EBF2: variants seen among roughly 807,000 people sequenced by gnomAD.
The protein encoded by EBF2 is EBF transcription factor 2.
Under a neutral mutation model 72.8 loss-of-function variants are expected in EBF2, and 21 were observed. That is an observed-to-expected ratio of 0.29 (90% CI 0.20 to 0.42). The LOEUF (loss-of-function observed/expected upper bound fraction) is 0.42, where lower values mean the gene tolerates loss of function less well. EBF2 is among the 10% of genes least tolerant of loss of function. EBF2 has a pLI of 1.00. For missense variants in EBF2, 637 were observed against 731.2 expected (o/e 0.87, Z 1.49); for synonymous variants, 299 against 274.2 (o/e 1.09, Z -0.89).
chr8:25,906,596 A>G (rs775926276), intron 7 of EBF2, among the ~76,000 whole-genome samples: 1 of 152,036 alleles, frequency 6.6e-6, no homozygotes, highest in Non-Finnish European at 1.5e-5. Flanking sequence ...TCAAAACCTC[A>G]TCTCTACTAA....
At chr8:26,030,247 C>G in intron 6 of EBF2, among the ~76,000 whole-genome samples, 1 of 152,208 alleles carries the variant, frequency 6.6e-6, no homozygotes, top group East Asian at 1.9e-4. Context: ...AAAAGCCCTT[C>G]TTGTGTCCAT....
At chr8:25,913,256 C>T (rs748282512) in intron 6 of EBF2, among the ~76,000 whole-genome samples, 28 of 152,076 alleles carry the variant, frequency 1.8e-4, no homozygotes, top group Admixed American at 1.2e-3. Context: ...TCCTGACCAA[C>T]GTGGTGAAGC....
rs773174407 is a variant in EBF2, at chr8:25,858,436, T to G, written c.1411A>C (p.Asn471His). ...ATACTGTTGCTGGAGGTACTGTAAT[T>G]AGACTGTTGAGGCGTGGAGCTGGAA... ...YSSSSTPQQS[N>H]YSTSSNSMNG... The change falls in exon 14 of 16, where the codon AAT becomes CAT. Residue 471 changes from asparagine to histidine, a missense_variant. By Grantham distance (68) the Asn-to-His change is moderately conservative (BLOSUM62 1). Coordinates refer to ENST00000520164, the MANE Select transcript of EBF2 (RefSeq NM_022659.4). The G allele has an allele frequency of 3.7e-6, 6 of 1,614,086 alleles. No homozygotes were observed. In the Admixed American group the frequency reaches 1.0e-4, roughly 27 times the overall value.
At chr8:25,917,689 G>T (rs564162770) in intron 6 of EBF2, among the ~76,000 whole-genome samples, 1 of 152,276 alleles carries the variant, frequency 6.6e-6, no homozygotes, top group East Asian at 1.9e-4. Context: ...GAGAAATGAA[G>T]TTATTAGTCA....
intron 6 of EBF2, among the ~76,000 whole-genome samples, chr8:26,012,333 T>C (rs1805038603): frequency 6.6e-6 from 1 of 152,180 alleles, no homozygotes; most frequent in Admixed American, 6.5e-5. Flanking sequence ...TAAATGTCCT[T>C]TATATGAAAA....
intron 2 of EBF2, chr8:26,041,419 G>A (rs1021457945): frequency 9.4e-6 from 2 of 212,468 alleles, no homozygotes; most frequent in Admixed American, 1.0e-4. Flanking sequence ...CCTATCCCGC[G>A]AGGACTGCGC....
chr8:25,861,543 ATC>A (rs1802213205), intron 11 of EBF2, among the ~76,000 whole-genome samples, 169 bp from the exon 12 acceptor site: 1 of 152,260 alleles, frequency 6.6e-6, no homozygotes, highest in Non-Finnish European at 1.5e-5. Flanking sequence ...GTACATGTAC[ATC>A]TCTCTGTAAA....
chr8:26,007,406 C>T (rs893654911), intron 6 of EBF2, among the ~76,000 whole-genome samples: 6 of 152,150 alleles, frequency 3.9e-5, no homozygotes, highest in African/African-American at 1.4e-4. Context: ...CAATTTGTTT[C>T]ATCATGTTCT....
intron 6 of EBF2, among the ~76,000 whole-genome samples, chr8:26,006,047 G>T (rs936292768): frequency 2.0e-5 from 3 of 152,028 alleles, no homozygotes; most frequent in Non-Finnish European, 4.4e-5. Context: ...TTCACAAGGA[G>T]CCAAACATCC....
chr8:25,882,156 T>C (rs994923550), intron 10 of EBF2, among the ~76,000 whole-genome samples: 4 of 152,012 alleles, frequency 2.6e-5, no homozygotes, highest in African/African-American at 9.7e-5. Context: ...ACACACCCAC[T>C]GGGGCTTCAG....
chr8:26,009,811 C>A (rs1455519118), intron 6 of EBF2, among the ~76,000 whole-genome samples: 1 of 152,194 alleles, frequency 6.6e-6, no homozygotes. Flanking sequence ...CAGTGACTGG[C>A]TTCATTTCAT....
intron 6 of EBF2, among the ~76,000 whole-genome samples, chr8:25,923,647 T>C (rs7844191): frequency 0.54 from 81,423 of 152,072 alleles, 24,339 homozygotes; most frequent in East Asian, 0.74. Context: ...CCTATCTCCC[T>C]GCTTTGTTAG....
At chr8:26,032,968 T>C in intron 6 of EBF2, 117 bp downstream of exon 6, 3 of 957,004 alleles carry the variant, frequency 3.1e-6, no homozygotes, top group Non-Finnish European at 4.9e-6. Context: ...ATGAGCTTAG[T>C]GACTTGAAAT....
intron 6 of EBF2, among the ~76,000 whole-genome samples, chr8:25,918,778 G>A (rs970049074): frequency 6.6e-6 from 1 of 152,180 alleles, no homozygotes; most frequent in Non-Finnish European, 1.5e-5. Context: ...ATCATATCCA[G>A]AGGATGGGGT....
rs566789991 is a variant in EBF2 at position 25,946,227 on chromosome 8, A to G, written c.552-37672T>C. On this transcript the variant is annotated intron_variant, in intron 6 of 15. Coordinates refer to ENST00000520164, the MANE Select transcript of EBF2 (RefSeq NM_022659.4). ...TGAGGCAATAACTAAGAAGAAAATCACTTTGGGAGTGGGGCATGGGACTGT... is the reference window on the plus strand; with the variant it reads ...TGAGGCAATAACTAAGAAGAAAATCGCTTTGGGAGTGGGGCATGGGACTGT... Among the ~76,000 whole-genome samples the G allele has an allele frequency of 2.0e-5, 3 of 152,370 alleles. No individual in the cohort carries two copies. In the East Asian group the frequency reaches 5.8e-4, roughly 29 times the overall value.
At chr8:25,895,925 G>GTGTA (rs1385420231) in intron 7 of EBF2, among the ~76,000 whole-genome samples, 1 of 12,970 alleles carries the variant, frequency 7.7e-5, no homozygotes, top group African/African-American at 1.9e-3. Context: ...GTGTGTGTAT[G>GTGTA]TGTGTGTGTG....
At chr8:26,018,061 A>G (rs1404773801) in intron 6 of EBF2, among the ~76,000 whole-genome samples, 2 of 152,112 alleles carry the variant, frequency 1.3e-5, no homozygotes, top group African/African-American at 4.8e-5. Flanking sequence ...CTTACAGCAA[A>G]GATTCAAACA....
At chr8:26,003,914 TTTGCGC>T (rs1312806182) in intron 6 of EBF2, among the ~76,000 whole-genome samples, 2 of 151,728 alleles carry the variant, frequency 1.3e-5, no homozygotes, top group African/African-American at 4.8e-5. Context: ...CCAGCAAGAG[TTTGCGC>T]TCCTGGGGGA....
chr8:25,957,730 G>T (rs2117175536), intron 6 of EBF2, among the ~76,000 whole-genome samples: 1 of 152,278 alleles, frequency 6.6e-6, no homozygotes, highest in African/African-American at 2.4e-5. Flanking sequence ...GCCGGGTGTG[G>T]TGGCACGCAC....
Sources: gnomAD v4.1 joint callset for allele counts (sites outside exome capture counted in the v4.1 genomes callset) on GRCh38, gnomAD v4.1.1 for gene constraint, MANE v1.5 for transcripts, NCBI Gene and HGNC (gene_info 2026-07-23, HGNC 2026-07-21) for gene names.